DISC1: variants seen among roughly 807,000 people sequenced by gnomAD.
DISC1 encodes the protein DISC1 scaffold protein.
A neutral mutation model predicts 84.5 loss-of-function variants in DISC1; 57 were observed. The observed-to-expected ratio is 0.67, with a 90% CI of 0.55 to 0.84. DISC1 has a LOEUF of 0.84. DISC1 is among the 40% of genes least tolerant of loss of function. DISC1 has a pLI of 0.00. For missense variants in DISC1, 1,000 were observed against 1,057.8 expected, an observed-to-expected ratio of 0.95 and a Z score of 0.76; for synonymous variants, 411 against 415.2, an observed-to-expected ratio of 0.99 and a Z score of 0.12.
At chr1:231,882,278 C>T (rs201142006) in intron 9 of DISC1, among the ~76,000 whole-genome samples, 32 of 152,150 alleles carry the variant, frequency 2.1e-4, no homozygotes, top group Admixed American at 3.9e-4. Flanking sequence ...CCATGAGAAA[C>T]GGCCAGGTAA....
chr1:231,803,230 A>G (rs2759349), intron 8 of DISC1, among the ~76,000 whole-genome samples: 109,396 of 151,946 alleles, frequency 0.72, 39,763 homozygotes, highest in Admixed American at 0.77. Flanking sequence ...CTTCCTTACA[A>G]CATGGCTGCT....
chr1:231,991,971 G>T (rs767719186), intron 10 of DISC1, among the ~76,000 whole-genome samples: 2 of 152,088 alleles, frequency 1.3e-5, no homozygotes, highest in Non-Finnish European at 2.9e-5. Flanking sequence ...AACTTTAAGA[G>T]GTAAAAATGG....
chr1:231,888,177 A>G (rs1208881068), intron 9 of DISC1, among the ~76,000 whole-genome samples: 3 of 152,214 alleles, frequency 2.0e-5, no homozygotes, highest in African/African-American at 7.2e-5. Context: ...GCAGAATGCA[A>G]TCTGGGAAGG....
chr1:231,902,567 C>T (rs2088270367), intron 9 of DISC1, among the ~76,000 whole-genome samples: 1 of 151,940 alleles, frequency 6.6e-6, no homozygotes, highest in Non-Finnish European at 1.5e-5. Context: ...CGCCACTGCA[C>T]TCCAGCTTGG....
intron 9 of DISC1, among the ~76,000 whole-genome samples, chr1:231,904,897 A>C (rs1269828240): frequency 6.6e-6 from 1 of 152,210 alleles, no homozygotes; most frequent in Non-Finnish European, 1.5e-5. Context: ...TAAATCGAGC[A>C]TAAAAATAAA....
intron 8 of DISC1, among the ~76,000 whole-genome samples, chr1:231,805,510 AC>A (rs1361769972): frequency 6.6e-6 from 1 of 152,138 alleles, no homozygotes; most frequent in African/African-American, 2.4e-5. Flanking sequence ...GGTGCCACGC[AC>A]TTTTAAGTAG....
At chr1:231,896,682 A>C (rs978020892) in intron 9 of DISC1, among the ~76,000 whole-genome samples, 1 of 152,130 alleles carries the variant, frequency 6.6e-6, no homozygotes, top group Non-Finnish European at 1.5e-5. Flanking sequence ...CCTTGCTTTA[A>C]ATCTCAGGGC....
chr1:231,818,424 G>T lies in DISC1; in HGVS notation c.1888G>T (p.Val630Leu). ...GGAGGGACTCCTCAGCAAGCTGTTG[G>T]TGTTGAGTTCCAGGAATGTCAAAAA... is the stretch of plus-strand genomic sequence containing the variant. ...GLEGLLSKLL[V>L]LSSRNVKKLG... Residue 630 changes from valine (V) to leucine (L), a missense_variant, in exon 9 of 13, where the codon GTG becomes TTG. Physicochemically the swap from Val to Leu is conservative, Grantham distance 32 (BLOSUM62 1). Coordinates refer to ENST00000439617, the MANE Select transcript of DISC1 (RefSeq NM_018662.3). The T allele has an allele frequency of 6.2e-7, 1 of 1,614,210 alleles. No homozygotes were observed. The highest frequency in any genetic ancestry group is 8.5e-7 in the Non-Finnish European group (1 of 1,180,034).
chr1:231,630,735 C>T lies in DISC1; in HGVS notation c.67+3801C>T, dbSNP rs2058646725. ...TCCTTAGCGAATGACTTCTGTGCAA[C>T]AATCATGTAATTTTTAAAATTCCAG... On this transcript the variant is annotated intron_variant, in intron 1 of 12. Coordinates refer to ENST00000439617, the MANE Select transcript of DISC1 (RefSeq NM_018662.3). This position sits in a 1 kb window ranked among gnomAD's most constrained non-coding sequence, Gnocchi z 4.4. Among the ~76,000 whole-genome samples, 1 of 152,174 alleles carries T rather than the reference C, an allele frequency of 6.6e-6. No homozygotes were observed. The highest frequency in any genetic ancestry group is 2.4e-5 in the African/African-American group (1 of 41,420).
At chr1:231,973,546 A>G (rs1662337875) in intron 10 of DISC1, among the ~76,000 whole-genome samples, 1 of 152,210 alleles carries the variant, frequency 6.6e-6, no homozygotes, top group East Asian at 1.9e-4. Context: ...GTTTCAAAAC[A>G]TAAGAACAAG....
At chr1:231,655,607 C>A (rs1175557350) in intron 1 of DISC1, among the ~76,000 whole-genome samples, 1 of 151,840 alleles carries the variant, frequency 6.6e-6, no homozygotes, top group Admixed American at 6.6e-5. Flanking sequence ...CCTTTGGGTA[C>A]CTAGTCCAGT....
intron 12 of DISC1, among the ~76,000 whole-genome samples, chr1:232,034,870 T>A (rs957289192): frequency 4.6e-5 from 7 of 150,610 alleles, no homozygotes; most frequent in African/African-American, 1.7e-4. Context: ...CGGAACTATG[T>A]AAGAAATGGA....
Position 231,722,439 on chromosome 1 carries a change from T to G in DISC1, c.1117+20415T>G, listed in dbSNP as rs754549866. The G allele has an allele frequency of 3.8e-6, 6 of 1,572,646 alleles. No individual in the cohort carries two copies. In the East Asian group the frequency reaches 1.4e-4, roughly 36 times the overall value. On this transcript the variant is annotated intron_variant, in intron 3 of 12. Coordinates refer to ENST00000439617, the MANE Select transcript of DISC1 (RefSeq NM_018662.3). ...ACTTATCCACACTCGAACAAGTGTG[T>G]CCAGCATAAACATCACAGTGCTTCA...
At chr1:231,759,112 G>A (rs1408008483) in intron 4 of DISC1, among the ~76,000 whole-genome samples, 1 of 152,166 alleles carries the variant, frequency 6.6e-6, no homozygotes, top group African/African-American at 2.4e-5. Context: ...TTTGAGATGG[G>A]AACAGAGAAG....
intron 3 of DISC1, among the ~76,000 whole-genome samples, chr1:231,709,415 G>A (rs992178277): frequency 6.6e-6 from 1 of 152,002 alleles, no homozygotes; most frequent in Admixed American, 6.6e-5. Context: ...CTCTTTCTTA[G>A]GTCTTGGTAG....
chr1:231,839,477 TAGG>T (rs1209770418), intron 9 of DISC1, among the ~76,000 whole-genome samples: 1 of 152,146 alleles, frequency 6.6e-6, no homozygotes, highest in Non-Finnish European at 1.5e-5. Context: ...GTGAGAATGA[TAGG>T]AGATGAGGCT....
At chr1:231,689,486 C>G (rs2064727845) in intron 1 of DISC1, among the ~76,000 whole-genome samples, 2 of 152,004 alleles carry the variant, frequency 1.3e-5, no homozygotes, top group South Asian at 4.1e-4. Context: ...TGTGCACCAC[C>G]ACGCCAGGCT....
intron 9 of DISC1, among the ~76,000 whole-genome samples, chr1:231,906,239 C>G (rs1423640435): frequency 6.6e-6 from 1 of 152,128 alleles, no homozygotes; most frequent in Non-Finnish European, 1.5e-5. Flanking sequence ...TCAGGCTAGT[C>G]TTGAACTCCT....
Position 231,693,985 on chromosome 1 carries a change from C to G in DISC1, c.227C>G (p.Ser76Cys), listed in dbSNP as rs77062350. Residue 76 changes from serine (S) to cysteine (C), a missense_variant, in exon 2 of 13, where the codon TCC (serine) becomes TGC (cysteine). Coordinates refer to ENST00000439617, the MANE Select transcript of DISC1 (RefSeq NM_018662.3). Reference protein sequence around the residue: ...RFPGGVSGEESHHSESRARQC... With the variant: ...RFPGGVSGEECHHSESRARQC... ...CCAGGAGGGGTGTCTGGCGAGGAGT[C>G]CCACCACTCGGAGTCCAGGGCCAGA... 2 of 1,613,936 alleles carry G rather than the reference C, an allele frequency of 1.2e-6. No individual in the cohort carries two copies. Among genetic ancestry groups the G allele is most frequent in the African/African-American group, 1.3e-5 (1 of 74,920 alleles).
Sources: allele counts gnomAD v4.1 joint callset (sites outside exome capture counted in the v4.1 genomes callset), GRCh38; gene constraint gnomAD v4.1.1; non-coding constraint Gnocchi (gnomAD v3.1); transcripts MANE v1.5; gene names NCBI Gene and HGNC (gene_info 2026-07-23, HGNC 2026-07-21).